CADM2: variants seen among roughly 807,000 people sequenced by gnomAD.
CADM2 encodes the protein immunoglobulin superfamily member 4D.
Under a neutral mutation model 49.8 loss-of-function variants are expected in CADM2, and 12 were observed. The observed-to-expected ratio is 0.24, with a 90% CI of 0.15 to 0.39. The LOEUF is 0.39. Among genes scored for constraint, CADM2 ranks in the 10% least tolerant of loss-of-function variants. The pLI is 1.00. For missense variants in CADM2, 378 were observed against 492.3 expected (o/e 0.77, Z 2.20); for synonymous variants, 214 against 175.4 (o/e 1.22, Z -1.74).
intron 8 of CADM2, chr3:86,014,326 G>A (rs1577952534): frequency 7.3e-7 from 1 of 1,373,292 alleles, no homozygotes; most frequent in South Asian, 1.7e-5. Context: ...AGAGCCTTTG[G>A]GGAAAATCTC....
chr3:85,352,501 T>G (rs1344347470), intron 1 of CADM2, among the ~76,000 whole-genome samples: 5 of 152,124 alleles, frequency 3.3e-5, no homozygotes, highest in Admixed American at 1.3e-4. Flanking sequence ...TGATTGCAAA[T>G]TAGGGATTAA....
intron 1 of CADM2, among the ~76,000 whole-genome samples, chr3:85,688,592 C>G (rs2066286235): frequency 7.8e-6 from 1 of 127,794 alleles, no homozygotes; most frequent in Admixed American, 8.7e-5. Context: ...GACAGTGTTT[C>G]ACTCTTGTCA....
At position 84,963,269 on chromosome 3, in the gene CADM2, C is replaced by A. The variant is rs74519153; in HGVS notation, c.61+3601C>A. Among the ~76,000 whole-genome samples the A allele has an allele frequency of 9.0e-3, 1,365 of 152,234 alleles. 23 individuals are homozygous for A. The highest frequency in any genetic ancestry group is 0.029 in the African/African-American group (1,211 of 41,540). ...ATTTCTTTGCAAGGAAAGCTTGCCA[C>A]CTGTAACTAAGTCCTCTCTTGGCTA... is the stretch of plus-strand genomic sequence containing the variant. On this transcript the variant is annotated intron_variant, in intron 1 of 9. Transcript: ENST00000383699.
chr3:84,982,782 A>G (rs1385966590), intron 1 of CADM2, among the ~76,000 whole-genome samples: 4 of 135,458 alleles, frequency 3.0e-5, no homozygotes, highest in South Asian at 4.6e-4. Flanking sequence ...GTCTTGCTCT[A>G]TTGCCCAGGC....
chr3:85,963,211 A>C (rs988177631), intron 8 of CADM2, among the ~76,000 whole-genome samples: 8 of 152,110 alleles, frequency 5.3e-5, no homozygotes, highest in Middle Eastern at 3.4e-3. Context: ...TGAATAGGCT[A>C]TTCATGTAAA....
At chr3:85,110,970 A>G (rs911402305) in intron 1 of CADM2, among the ~76,000 whole-genome samples, 1 of 151,898 alleles carries the variant, frequency 6.6e-6, no homozygotes, top group African/African-American at 2.4e-5. Context: ...GCTTTTGTTT[A>G]TCATTCAGGG....
At chr3:85,669,374 A>G (rs2065669496) in intron 1 of CADM2, among the ~76,000 whole-genome samples, 1 of 152,124 alleles carries the variant, frequency 6.6e-6, no homozygotes, top group African/African-American at 2.4e-5. Flanking sequence ...TGAAAAGAGG[A>G]GAAAAAGGTT....
intron 3 of CADM2, among the ~76,000 whole-genome samples, chr3:85,883,018 ATC>A (rs1713041904): frequency 6.6e-6 from 1 of 152,208 alleles, no homozygotes. Context: ...CAACATCAGT[ATC>A]TACCTCATCT....
intron 1 of CADM2, among the ~76,000 whole-genome samples, chr3:85,554,127 G>A (rs1250915559): frequency 6.9e-6 from 1 of 145,340 alleles, no homozygotes; most frequent in East Asian, 2.1e-4. Flanking sequence ...GTTAGTGGGT[G>A]AATTAGGGGC....
intron 1 of CADM2, among the ~76,000 whole-genome samples, chr3:85,572,455 CAGAG>C (rs570363646): frequency 5.0e-4 from 76 of 152,102 alleles, no homozygotes; most frequent in Non-Finnish European, 7.8e-4. Context: ...TGAGTAGAGA[CAGAG>C]AGAGACAGAG....
At chr3:85,681,986 T>A (rs533274867) in intron 1 of CADM2, among the ~76,000 whole-genome samples, 6 of 152,170 alleles carry the variant, frequency 3.9e-5, no homozygotes, top group Non-Finnish European at 8.8e-5. Context: ...TTTATTTTGC[T>A]GTTGATCTGT....
intron 6 of CADM2, among the ~76,000 whole-genome samples, chr3:85,931,853 T>C (rs1335211190): frequency 4.6e-5 from 7 of 151,796 alleles, no homozygotes; most frequent in Non-Finnish European, 1.0e-4. Flanking sequence ...AGGACTTAAA[T>C]TTAAAATCAT....
At chr3:85,066,096 A>G (rs1356122650) in intron 1 of CADM2, among the ~76,000 whole-genome samples, 2 of 152,114 alleles carry the variant, frequency 1.3e-5, no homozygotes, top group Non-Finnish European at 2.9e-5. Context: ...ACTAAAAGAA[A>G]AAACGTAAGA....
intron 1 of CADM2, among the ~76,000 whole-genome samples, chr3:85,535,473 A>G (rs1254258952): frequency 6.6e-6 from 1 of 152,186 alleles, no homozygotes; most frequent in Non-Finnish European, 1.5e-5. Context: ...TAGTTTTTGA[A>G]TTAGACAAGC....
chr3:85,159,800 A>AT (rs2040257558), intron 1 of CADM2, among the ~76,000 whole-genome samples: 1 of 152,150 alleles, frequency 6.6e-6, no homozygotes, highest in African/African-American at 2.4e-5. Context: ...TTTATAATTC[A>AT]TACCATTTAC....
At chr3:85,582,215 C>A (rs546535843) in intron 1 of CADM2, among the ~76,000 whole-genome samples, 1 of 152,204 alleles carries the variant, frequency 6.6e-6, no homozygotes, top group East Asian at 1.9e-4. Flanking sequence ...TGAGCCACCA[C>A]GCCTGGCCCT....
chr3:85,696,594 C>T (rs1476303141), intron 1 of CADM2, among the ~76,000 whole-genome samples: 1 of 151,940 alleles, frequency 6.6e-6, no homozygotes, highest in African/African-American at 2.4e-5. Context: ...TTGTTAGATA[C>T]ATGTAGTTTT....
In CADM2 at chr3:85,988,364, G is replaced by A. The variant is rs142884380; in HGVS notation, c.970+26717G>A. Among the ~76,000 whole-genome samples, 79 of 152,204 alleles carry A rather than the reference G, an allele frequency of 5.2e-4. No homozygotes were observed. The East Asian group carries it at 0.013, about 25-fold the overall frequency. The stretch of plus-strand genomic sequence containing the variant: ...TGTGTATAAGGTAACTACAAGACAA[G>A]GAAGCAGATTTTTCTGAATACCTTC... On this transcript the variant is annotated intron_variant, in intron 8 of 9. Transcript: ENST00000383699.
intron 1 of CADM2, among the ~76,000 whole-genome samples, chr3:85,703,247 G>A (rs2066838586): frequency 1.3e-5 from 2 of 152,094 alleles, no homozygotes; most frequent in African/African-American, 4.8e-5. Flanking sequence ...AGAGCTAAAT[G>A]CCATTCAGGT....
Sources: gnomAD v4.1 joint callset for allele counts (sites outside exome capture counted in the v4.1 genomes callset) on GRCh38, gnomAD v4.1.1 for gene constraint, MANE v1.5 for transcripts, NCBI Gene and HGNC (gene_info 2026-07-23, HGNC 2026-07-21) for gene names.